Variants in S100A1 observed in about 807,000 individuals in gnomAD.
S100A1 encodes the protein S100 calcium binding protein A1.
A neutral mutation model predicts 7.6 loss-of-function variants in S100A1; 3 were observed. The ratio of observed to expected loss-of-function variants is 0.40; its 90% CI spans 0.18 to 1.02. S100A1 has a LOEUF of 1.02. Among genes scored for constraint, S100A1 ranks in the 50% least tolerant of loss-of-function variants. S100A1 has a pLI of 0.35. For synonymous variants in S100A1, 49 were observed against 49.0 expected (o/e 1.00, Z 0.00); for missense variants, 126 against 115.0 (o/e 1.10, Z -0.44).
chr1:153,629,247 A>G (rs991528709), intron 1 of S100A1: 1 of 152,148 alleles, frequency 6.6e-6, no homozygotes, highest in African/African-American at 2.4e-5. Context: ...GGAGCAGGTA[A>G]TCAAGCTACC....
intron 1 of S100A1, chr1:153,628,996 C>T: frequency 6.3e-6 from 1 of 158,850 alleles, no homozygotes; most frequent in Admixed American, 6.0e-5. Flanking sequence ...CAGGGCAAAG[C>T]TCCCATGATA....
At position 153,631,959 on chromosome 1, in the gene S100A1, C is replaced by T. The variant is rs1668041658; in HGVS notation, c.*118C>T. ...ATAACCCCACCCTTGCCCACCCCAC[C>T]CCCACCCCCACCAAGGGCGCAAGAG... On this transcript the variant is annotated 3_prime_UTR_variant, in exon 3 of 3. Transcript: ENST00000292169. The T allele has an allele frequency of 4.2e-6, 5 of 1,176,762 alleles. No individual in the cohort carries two copies. Among genetic ancestry groups the T allele is most frequent in the South Asian group, 1.5e-5 (1 of 64,588 alleles). 72.9% of individuals were successfully genotyped at this position (1,176,762 alleles called of 1,614,324 possible).
intron 2 of S100A1, chr1:153,631,325 G>T: frequency 1.2e-6 from 1 of 826,300 alleles, no homozygotes; most frequent in Non-Finnish European, 1.9e-6. Flanking sequence ...GTGGGACTTT[G>T]GGCATATTTA....
chr1:153,631,854 A>G lies in S100A1; in HGVS notation c.*13A>G, dbSNP rs1553225411. ...GGAGAACAGTTGAGCAGACAGCCAC[A>G]TTGGGCAGCGCCCTTCCTCTCCACC... On this transcript the variant is annotated 3_prime_UTR_variant, in exon 3 of 3. Coordinates refer to ENST00000292169, the MANE Select transcript of S100A1 (RefSeq NM_006271.2). The G allele has an allele frequency of 6.2e-7, 1 of 1,612,404 alleles. No individual in the cohort carries two copies. The highest frequency in any genetic ancestry group is 8.5e-7 in the Non-Finnish European group (1 of 1,179,562).
rs566673311 is a variant in S100A1, at chr1:153,628,748, C to A, written c.-14+252C>A. Reference sequence around the variant, plus strand: ...AAGGAGGAAGCCAGTGGGGAACCCACCATGAGCTTCCTGACCGCCTGGCCC... The same window carrying A: ...AAGGAGGAAGCCAGTGGGGAACCCAACATGAGCTTCCTGACCGCCTGGCCC... On this transcript the variant is annotated intron_variant, in intron 1 of 2. Coordinates refer to ENST00000292169, the MANE Select transcript of S100A1 (RefSeq NM_006271.2). The A allele has an allele frequency of 8.6e-6, 5 of 580,114 alleles. No homozygotes were observed. In the South Asian group the frequency reaches 1.7e-4, roughly 19 times the overall value. 35.9% of individuals were successfully genotyped at this position (580,114 alleles called of 1,614,324 possible).
At chr1:153,630,438 G>A (rs570376747) in intron 1 of S100A1, 71 bp from the exon 2 acceptor site, 1 of 1,566,142 alleles carries the variant, frequency 6.4e-7, no homozygotes, top group East Asian at 2.3e-5. Context: ...CAGTCCTGAG[G>A]GTTCCCCTCA....
intron 2 of S100A1, 49 bp from the exon 3 acceptor site, chr1:153,631,649 T>A (rs1325045047): frequency 6.2e-7 from 1 of 1,613,818 alleles, no homozygotes; most frequent in African/African-American, 1.3e-5. Flanking sequence ...TCTGACTCAG[T>A]GCTGTACCCT....
At chr1:153,628,527 T>C in intron 1 of S100A1, 31 bp downstream of exon 1, 4 of 1,549,982 alleles carry the variant, frequency 2.6e-6, no homozygotes, top group Non-Finnish European at 3.5e-6. Context: ...GGCTAGTCCC[T>C]GGCCTGCCAG....
At chr1:153,630,741 C>T in intron 2 of S100A1, 79 bp downstream of exon 2, 1 of 1,542,590 alleles carries the variant, frequency 6.5e-7, no homozygotes, top group East Asian at 2.3e-5. Context: ...GCTATCTCCC[C>T]ACCCCACCTC....
At chr1:153,630,194 G>C in intron 1 of S100A1, 2 of 443,044 alleles carry the variant, frequency 4.5e-6, no homozygotes, top group East Asian at 3.4e-5. Flanking sequence ...CTCAATCCCT[G>C]CCTGGGCAGC....
At chr1:153,631,150 G>A (rs763043578) in intron 2 of S100A1, 21 of 333,714 alleles carry the variant, frequency 6.3e-5, no homozygotes, top group Non-Finnish European at 9.3e-5. Context: ...AGAATGTGGA[G>A]CATGTCAGTA....
At chr1:153,631,564 C>G (rs1387840810) in intron 2 of S100A1, 134 bp from the exon 3 acceptor site, 1 of 1,613,890 alleles carries the variant, frequency 6.2e-7, no homozygotes, top group South Asian at 1.1e-5. Flanking sequence ...TTTGAGGAGG[C>G]CTAGAAGAGT....
At chr1:153,631,205 A>C in intron 2 of S100A1, 1 of 472,102 alleles carries the variant, frequency 2.1e-6, no homozygotes, top group Non-Finnish European at 3.8e-6. Flanking sequence ...TAGGCTGCTA[A>C]GGCTAACCAG....
At chr1:153,631,396 C>T in intron 2 of S100A1, 3 of 1,393,688 alleles carry the variant, frequency 2.2e-6, no homozygotes, top group East Asian at 2.5e-5. Flanking sequence ...ACATACCTCA[C>T]ATTATTTGTA....
At chr1:153,628,648 G>A (rs1236802565) in intron 1 of S100A1, 152 bp downstream of exon 1, 1 of 1,303,080 alleles carries the variant, frequency 7.7e-7, no homozygotes, top group Admixed American at 2.8e-5. Flanking sequence ...TTGGGATTTG[G>A]GGGAGACAGG....
rs1205288045 is a variant in S100A1 at position 153,628,457 on chromosome 1, T to C, written c.-53T>C. 6.4e-7 allele frequency: 1 copy of C among 1,550,702 alleles called. No homozygotes were observed. The highest frequency in any genetic ancestry group is 1.2e-5 in the South Asian group (1 of 84,058). On this transcript the variant is annotated 5_prime_UTR_variant, in exon 1 of 3. Transcript: ENST00000292169. ...GCAGCCACATTTGCAACCTTGGCCATCTGTCCAGAACCTGCTCCCACCTCA... is the reference window on the plus strand; with the variant it reads ...GCAGCCACATTTGCAACCTTGGCCACCTGTCCAGAACCTGCTCCCACCTCA...
chr1:153,628,601 T>C, intron 1 of S100A1, 105 bp downstream of exon 1: 1 of 1,479,330 alleles, frequency 6.8e-7, no homozygotes, highest in Non-Finnish European at 9.0e-7. Context: ...TGTGGAGCAC[T>C]GAGGATCTGG....
Position 153,630,378 on chromosome 1 carries a change from A to C in S100A1, c.-13-131A>C, listed in dbSNP as rs978265447. ...CATTGTAAAATCTCAGGGAAAGATC[A>C]ATTGCAGTAGGGCTCTAATCCCACA... On this transcript the variant is annotated intron_variant, in intron 1 of 2. Coordinates refer to ENST00000292169, the MANE Select transcript of S100A1 (RefSeq NM_006271.2). 16 of 1,130,838 alleles carry C rather than the reference A, an allele frequency of 1.4e-5. No individual in the cohort carries two copies. The African/African-American group carries it at 2.2e-4, about 16-fold the overall frequency. 70.1% of individuals were successfully genotyped at this position (1,130,838 alleles called of 1,614,324 possible).
intron 1 of S100A1, chr1:153,629,399 A>G (rs1418062311): frequency 6.6e-6 from 1 of 152,136 alleles, no homozygotes; most frequent in East Asian, 1.9e-4. Context: ...CTGGGATGTC[A>G]TTCGATCAGG....
Sources: gnomAD v4.1 joint callset for allele counts on GRCh38, gnomAD v4.1.1 for gene constraint, MANE v1.5 for transcripts, NCBI Gene and HGNC (gene_info 2026-07-23, HGNC 2026-07-21) for gene names.